CTNNB1: variants seen among roughly 807,000 people sequenced by gnomAD.
The protein encoded by CTNNB1 is catenin beta 1.
A neutral mutation model predicts 82.5 loss-of-function variants in CTNNB1; 6 were observed. The ratio of observed to expected loss-of-function variants is 0.07; its 90% confidence interval spans 0.04 to 0.14. CTNNB1 has a LOEUF of 0.14. CTNNB1 is among the 10% of genes least tolerant of loss of function. CTNNB1 has a pLI of 1.00. For synonymous variants in CTNNB1, 312 were observed against 329.7 expected, an observed-to-expected ratio of 0.95 and a Z score of 0.58; for missense variants, 529 against 980.4, an observed-to-expected ratio of 0.54 and a Z score of 6.15.
At position 41,233,613 on chromosome 3, in the gene CTNNB1, C is replaced by A. The variant is rs747887509; in HGVS notation, c.1270C>A (p.Leu424Ile). Residue 424 changes from leucine (L) to isoleucine (I), a missense_variant, in exon 9 of 15, where the codon CTT becomes ATT. Physicochemically the swap from Leu to Ile is conservative, Grantham distance 5. Coordinates refer to ENST00000349496, the MANE Select transcript of CTNNB1 (RefSeq NM_001904.4). Reference sequence around the variant, plus strand: ...TGTGGTCACCTGTGCAGCTGGAATTCTTTCTAACCTCACTTGCAATAATTA... The same window carrying A: ...TGTGGTCACCTGTGCAGCTGGAATTATTTCTAACCTCACTTGCAATAATTA... ...INVVTCAAGILSNLTCNNYKN... is the reference protein window; with the variant it reads ...INVVTCAAGIISNLTCNNYKN... 4 of 1,614,164 alleles carry A rather than the reference C, an allele frequency of 2.5e-6. No individual in the cohort carries two copies. Among genetic ancestry groups the A allele is most frequent in the Non-Finnish European group, 3.4e-6 (4 of 1,180,032 alleles).
rs138119249 is a variant in CTNNB1 at position 41,227,384 on chromosome 3, T to TTA, written c.1081+32_1081+33insTA. 48 of 1,610,268 alleles carry TTA rather than the reference T, an allele frequency of 3.0e-5. No homozygotes were observed. In the East Asian group the frequency reaches 7.1e-4, roughly 24 times the overall value. ...ATATGTATCTATTCTGAGTCTTGTG[T>TTA]ATAGCATCTGCAGTTCTAATTAGAT... On this transcript the variant is annotated intron_variant, in intron 7 of 14. Transcript: ENST00000349496.
At chr3:41,236,956 T>A (rs11564467) in intron 13 of CTNNB1, 1 of 593,768 alleles carries the variant, frequency 1.7e-6, no homozygotes, top group South Asian at 2.2e-5. Flanking sequence ...GGGAGAAAGA[T>A]GAAAAATGTT....
chr3:41,207,273 G>A (rs896715133), intron 1 of CTNNB1, among the ~76,000 whole-genome samples: 3 of 152,168 alleles, frequency 2.0e-5, no homozygotes, highest in Non-Finnish European at 4.4e-5. Context: ...TGATAAGTGG[G>A]TGCTGGGAAA....
chr3:41,202,420 T>C (rs761425202), intron 1 of CTNNB1, among the ~76,000 whole-genome samples: 1 of 152,226 alleles, frequency 6.6e-6, no homozygotes, highest in Non-Finnish European at 1.5e-5. Flanking sequence ...TGTGTCATGT[T>C]GATTTGTGAC....
chr3:41,223,053 C>T (rs1412655541), intron 1 of CTNNB1, among the ~76,000 whole-genome samples: 4 of 151,782 alleles, frequency 2.6e-5, no homozygotes, highest in Non-Finnish European at 5.9e-5. Flanking sequence ...CCTGGTTTGG[C>T]AAGAGACCAA....
In CTNNB1 at chr3:41,233,525, A is replaced by G. The variant is rs1481857296; in HGVS notation, c.1186-4A>G. The G allele has an allele frequency of 1.9e-6, 3 of 1,613,976 alleles. No homozygotes were observed. Among genetic ancestry groups the G allele is most frequent in the Middle Eastern group, 1.6e-4 (1 of 6,084 alleles). On this transcript the variant is annotated splice_region_variant and splice_polypyrimidine_tract_variant and intron_variant, in intron 8 of 14. Coordinates refer to ENST00000349496, the MANE Select transcript of CTNNB1 (RefSeq NM_001904.4). ...GTACTGACCATCTGTTTTTATCTCC[A>G]TAGGAAGGGATGGAAGGTCTCCTTG...
At chr3:41,229,707 G>C (rs989978660) in intron 7 of CTNNB1, among the ~76,000 whole-genome samples, 28 of 152,038 alleles carry the variant, frequency 1.8e-4, no homozygotes, top group African/African-American at 6.8e-4. Flanking sequence ...GCAGTGTTTT[G>C]CCCTGATATT....
In CTNNB1 at chr3:41,233,656, T is replaced by G. The variant is rs936090981; in HGVS notation, c.1313T>G (p.Val438Gly). The change falls in exon 9 of 15, where the codon GTC becomes GGC. Residue 438 changes from valine to glycine, a missense_variant. By Grantham distance (109) the Val-to-Gly change is moderately radical. This residue lies in a region of CTNNB1 where 411 missense variants were observed against 776.4 expected (regional missense o/e 0.53). Transcript: ENST00000349496. ...TCNNYKNKMM[V>G]CQVGGIEALV... is the part of the protein sequence containing the mutation. ...AATAATTATAAGAACAAGATGATGG[T>G]CTGCCAAGTGGGTGGTATAGAGGCT... 1 of 1,614,182 alleles carries G rather than the reference T, an allele frequency of 6.2e-7. No homozygotes were observed. The highest frequency in any genetic ancestry group is 8.5e-7 in the Non-Finnish European group (1 of 1,180,030).
chr3:41,200,847 C>T (rs4533622), intron 1 of CTNNB1, among the ~76,000 whole-genome samples: 1 of 152,052 alleles, frequency 6.6e-6, no homozygotes, highest in African/African-American at 2.4e-5. Flanking sequence ...GCGTTGTCTC[C>T]TACTTTGTAT....
intron 1 of CTNNB1, among the ~76,000 whole-genome samples, chr3:41,217,712 T>C (rs2077947868): frequency 6.6e-6 from 1 of 152,204 alleles, no homozygotes; most frequent in African/African-American, 2.4e-5. Context: ...GTAGATATTA[T>C]CAATCTTTTC....
intron 13 of CTNNB1, chr3:41,236,953 A>G (rs2078451134): frequency 3.3e-6 from 2 of 598,700 alleles, no homozygotes; most frequent in Non-Finnish European, 2.9e-6. Context: ...TAAGGGAGAA[A>G]GATGAAAAAT....
rs746718978 is a variant in CTNNB1 at position 41,225,291 on chromosome 3, A to G, written c.496-43A>G. Reference sequence around the variant, plus strand: ...AGTTTCAGAATGTCTACCCAATACCAGTACTTGAAAACTAACGATGTTTCT... The same window carrying G: ...AGTTTCAGAATGTCTACCCAATACCGGTACTTGAAAACTAACGATGTTTCT... On this transcript the variant is annotated intron_variant, in intron 4 of 14. Transcript: ENST00000349496. This position sits in a 1 kb window ranked among gnomAD's most constrained non-coding sequence, Gnocchi z 5.3. The G allele has an allele frequency of 6.2e-7, 1 of 1,613,634 alleles. No homozygotes were observed. Among genetic ancestry groups the G allele is most frequent in the South Asian group, 1.1e-5 (1 of 91,048 alleles).
At chr3:41,211,085 G>A (rs1387372887) in intron 1 of CTNNB1, 1 of 456,510 alleles carries the variant, frequency 2.2e-6, no homozygotes, top group Admixed American at 2.3e-5. Context: ...GAGCCACCAT[G>A]TCTGGCCCAC....
chr3:41,228,229 A>T (rs1443588903), intron 7 of CTNNB1, among the ~76,000 whole-genome samples: 1 of 152,212 alleles, frequency 6.6e-6, no homozygotes, highest in Non-Finnish European at 1.5e-5. Context: ...TTCTTTGGGC[A>T]TATACCTAAT....
chr3:41,201,378 GAGGATGTCCTT>G (rs2077526263), intron 1 of CTNNB1, among the ~76,000 whole-genome samples: 1 of 152,032 alleles, frequency 6.6e-6, no homozygotes. Flanking sequence ...TTAAAGGTTT[GAGGATGTCCTT>G]TCACACCAGA....
chr3:41,216,341 TGTAA>T (rs765439910), intron 1 of CTNNB1, among the ~76,000 whole-genome samples: 4 of 152,350 alleles, frequency 2.6e-5, no homozygotes, highest in Middle Eastern at 3.4e-3. Context: ...ATAAAGATGC[TGTAA>T]GTGACTCAGA....
rs4135368 is a variant in CTNNB1 at position 41,222,962 on chromosome 3, G to C, written c.-48-1059G>C. ...AGATAGAAACTAAGGCCAGGTGTTG[G>C]CTCACATCTGAGATAGGAAAATCAC... On this transcript the variant is annotated intron_variant, in intron 1 of 14. Coordinates refer to ENST00000349496, the MANE Select transcript of CTNNB1 (RefSeq NM_001904.4). Among the ~76,000 whole-genome samples the C allele has an allele frequency of 4.7e-3, 719 of 152,216 alleles. 8 individuals are homozygous for C. The highest frequency in any genetic ancestry group is 0.017 in the African/African-American group (693 of 41,524).
chr3:41,210,511 G>T (rs2077755828), intron 1 of CTNNB1, among the ~76,000 whole-genome samples: 2 of 152,210 alleles, frequency 1.3e-5, no homozygotes, highest in South Asian at 4.1e-4. Flanking sequence ...CCTACAGAGG[G>T]TCAGGATCAT....
At chr3:41,233,475 A>C (rs2078359136) in intron 8 of CTNNB1, 31 bp downstream of exon 8, 2 of 1,613,406 alleles carry the variant, frequency 1.2e-6, no homozygotes, top group Non-Finnish European at 8.5e-7. Context: ...TGCCATGGGA[A>C]TAGAGTCAAG....
Sources: allele counts gnomAD v4.1 joint callset (sites outside exome capture counted in the v4.1 genomes callset), GRCh38; gene constraint gnomAD v4.1.1; regional missense constraint gnomAD v4.1.1; non-coding constraint Gnocchi (gnomAD v3.1); transcripts MANE v1.5; gene names NCBI Gene and HGNC (gene_info 2026-07-23, HGNC 2026-07-21).